The following AHRR variants were observed in gnomAD, a reference collection of about 807,000 sequenced individuals.
AHRR encodes aryl hydrocarbon receptor repressor.
AHRR carries 28 observed loss-of-function variants against 44.0 expected under a neutral mutation model. The ratio of observed to expected loss-of-function variants is 0.64; its 90% confidence interval spans 0.47 to 0.87. AHRR has a LOEUF of 0.87. Ranked by LOEUF, AHRR falls within the 40% of genes least tolerant of loss-of-function variation. The pLI is 0.00. For missense variants in AHRR, 990 were observed against 953.9 expected, an observed-to-expected ratio of 1.04 and a Z score of -0.50; for synonymous variants, 434 against 407.0, an observed-to-expected ratio of 1.07 and a Z score of -0.80.
intron 4 of AHRR, among the ~76,000 whole-genome samples, chr5:380,315 T>C (rs192699619): frequency 2.6e-3 from 383 of 148,652 alleles, no homozygotes; most frequent in Admixed American, 7.9e-3. Flanking sequence ...ATTCTAGTTC[T>C]TTTTTTTCCA....
chr5:340,688 A>ATATTTTTTTTTTTTT (rs1269938749), intron 1 of AHRR, among the ~76,000 whole-genome samples: 1 of 12,916 alleles, frequency 7.7e-5, no homozygotes, highest in Non-Finnish European at 1.3e-4. Flanking sequence ...ATATATATAT[A>ATATTTTTTTTTTTTT]TTTTTTTTTT....
At chr5:347,361 G>T (rs1175148024) in intron 2 of AHRR, among the ~76,000 whole-genome samples, 2 of 152,158 alleles carry the variant, frequency 1.3e-5, no homozygotes, top group African/African-American at 2.4e-5. Flanking sequence ...AATTAAATTT[G>T]TATGAGTTGA....
Position 395,958 on chromosome 5 carries a change from C to T in AHRR, c.352-17386C>T, listed in dbSNP as rs1350220774. On this transcript the variant is annotated intron_variant, in intron 4 of 10. Transcript: ENST00000684583. This position sits in a 1 kb window ranked among gnomAD's most constrained non-coding sequence, Gnocchi z 5.3. ...GTACGAGGATTAGGAGGCCATGGGT[C>T]GTCCAGAAACTCAGGCCAGAAGCGA... Among the ~76,000 whole-genome samples the T allele has an allele frequency of 6.6e-6, 1 of 152,178 alleles. No individual in the cohort carries two copies. Among genetic ancestry groups the T allele is most frequent in the Admixed American group, 6.5e-5 (1 of 15,278 alleles).
chr5:343,816 G>A, intron 1 of AHRR, 77 bp from the exon 2 acceptor site: 1 of 1,480,654 alleles, frequency 6.8e-7, no homozygotes, highest in Non-Finnish European at 9.1e-7. Context: ...GGACCGCGCT[G>A]AGGGGCCCGG....
intron 7 of AHRR, among the ~76,000 whole-genome samples, chr5:425,511 T>C (rs6895798): frequency 3.9e-5 from 6 of 152,142 alleles, no homozygotes; most frequent in African/African-American, 1.2e-4. Context: ...GTAGAGACAG[T>C]GTTTCACTGT....
intron 2 of AHRR, among the ~76,000 whole-genome samples, chr5:347,627 C>G (rs1421327874): frequency 6.6e-6 from 1 of 152,214 alleles, no homozygotes; most frequent in African/African-American, 2.4e-5. Flanking sequence ...CCAACTCAGA[C>G]ACACACCCCC....
Position 326,380 on chromosome 5 carries a change from G to A in AHRR, c.-11+4561G>A, listed in dbSNP as rs1448607707. On this transcript the variant is annotated intron_variant, in intron 1 of 10. Transcript: ENST00000684583. This position sits in a 1 kb window ranked among gnomAD's most constrained non-coding sequence, Gnocchi z 4.1. Reference sequence around the variant, plus strand: ...TCCAGCTTCTTTCACGCATCACAGCGTTTTTAGGGTCCATCCATGTGGCAG... The same window carrying A: ...TCCAGCTTCTTTCACGCATCACAGCATTTTTAGGGTCCATCCATGTGGCAG... Among the ~76,000 whole-genome samples the A allele has an allele frequency of 5.9e-5, 9 of 152,330 alleles. No homozygotes were observed. Among genetic ancestry groups the A allele is most frequent in the East Asian group, 1.9e-4 (1 of 5,186 alleles).
At chr5:390,643 G>A (rs1304814580) in intron 4 of AHRR, among the ~76,000 whole-genome samples, 3 of 152,118 alleles carry the variant, frequency 2.0e-5, no homozygotes, top group Non-Finnish European at 2.9e-5. Flanking sequence ...GAAGATCGGA[G>A]GGCAGGGAGT....
intron 2 of AHRR, among the ~76,000 whole-genome samples, chr5:349,701 G>A (rs1361712361): frequency 6.6e-6 from 1 of 152,170 alleles, no homozygotes; most frequent in Non-Finnish European, 1.5e-5. Flanking sequence ...AGGTCTGAAG[G>A]ATTGATTTTT....
chr5:392,627 C>T (rs997374619), intron 4 of AHRR, among the ~76,000 whole-genome samples: 11 of 152,278 alleles, frequency 7.2e-5, no homozygotes, highest in Admixed American at 3.3e-4. Flanking sequence ...CCCAAACCGC[C>T]GGTGAGAAGG....
At chr5:397,737 C>T (rs1422054233) in intron 4 of AHRR, among the ~76,000 whole-genome samples, 10 of 117,866 alleles carry the variant, frequency 8.5e-5, no homozygotes, top group Non-Finnish European at 1.0e-4. Flanking sequence ...TGACCGTCCA[C>T]GTAGCTCCTG....
intron 1 of AHRR, among the ~76,000 whole-genome samples, chr5:336,663 A>AT (rs200995438): frequency 6.6e-6 from 1 of 151,824 alleles, no homozygotes; most frequent in Non-Finnish European, 1.5e-5. Context: ...CAATTTATCA[A>AT]TTTTTTTCTC....
At chr5:413,685 C>T (rs1052501116) in intron 5 of AHRR, among the ~76,000 whole-genome samples, 6 of 152,182 alleles carry the variant, frequency 3.9e-5, no homozygotes, top group South Asian at 2.1e-4. Flanking sequence ...GGCGTGCGGA[C>T]GGCAGCATGG....
intron 4 of AHRR, among the ~76,000 whole-genome samples, chr5:402,046 C>T (rs1037355863): frequency 4.6e-5 from 7 of 152,174 alleles, no homozygotes; most frequent in Non-Finnish European, 7.3e-5. Context: ...ATTTGCCAAC[C>T]ATACATCTCA....
intron 2 of AHRR, among the ~76,000 whole-genome samples, chr5:344,810 T>C (rs1434216902): frequency 2.4e-5 from 3 of 127,192 alleles, no homozygotes; most frequent in Non-Finnish European, 4.7e-5. Flanking sequence ...AGACTGTGTG[T>C]GCGGGTGTGT....
intron 2 of AHRR, among the ~76,000 whole-genome samples, chr5:345,314 G>A (rs1742603298): frequency 1.8e-5 from 1 of 55,224 alleles, no homozygotes; most frequent in Non-Finnish European, 3.7e-5. Context: ...GTGTGGGGAT[G>A]TGTGTGTGTG....
chr5:403,914 A>C (rs1735142496), intron 4 of AHRR: 1 of 1,575,986 alleles, frequency 6.3e-7, no homozygotes, highest in African/African-American at 1.3e-5. Flanking sequence ...TAGCTATTCC[A>C]GGCACAGTCT....
chr5:361,936 G>T (rs958025392), intron 3 of AHRR, among the ~76,000 whole-genome samples: 2 of 152,234 alleles, frequency 1.3e-5, no homozygotes, highest in African/African-American at 2.4e-5. Flanking sequence ...TTGGGATGGA[G>T]TTAATGTATT....
In AHRR at chr5:433,849, G is replaced by T; in HGVS notation, c.1113-4G>T. ...GTCAAATGGGCCCCGTCTTTTCTCT[G>T]CAGGGACAGGGAGGAGGAGCAGCAC... On this transcript the variant is annotated splice_region_variant and splice_polypyrimidine_tract_variant and intron_variant, in intron 10 of 10. Transcript: ENST00000684583. The T allele has an allele frequency of 6.7e-7, 1 of 1,488,754 alleles. No homozygotes were observed. The highest frequency in any genetic ancestry group is 8.9e-7 in the Non-Finnish European group (1 of 1,122,252). The allele number at this position is 1,488,754 out of a possible 1,614,324, so 92.2% of individuals were successfully genotyped here.
Sources: gnomAD v4.1 joint callset for allele counts (sites outside exome capture counted in the v4.1 genomes callset) on GRCh38, gnomAD v4.1.1 for gene constraint, Gnocchi (gnomAD v3.1) non-coding constraint, MANE v1.5 for transcripts, NCBI Gene and HGNC (gene_info 2026-07-23, HGNC 2026-07-21) for gene names.